BMERB1: variants seen among roughly 807,000 people sequenced by gnomAD.
BMERB1 encodes bMERB domain containing 1, also known as bMERB domain-containing protein 1.
In BMERB1, 12 loss-of-function variants were observed where a neutral mutation model predicts 23.6. That is an observed-to-expected ratio of 0.51 (90% CI 0.33 to 0.82). The LOEUF is 0.82. BMERB1 is among the 40% of genes least tolerant of loss of function. BMERB1 has a pLI of 0.03. For missense variants in BMERB1, 247 were observed against 255.4 expected (o/e 0.97, Z 0.22); for synonymous variants, 122 against 96.6 (o/e 1.26, Z -1.54).
At chr16:15,459,080 C>T (rs905447512) in intron 1 of BMERB1, among the ~76,000 whole-genome samples, 4 of 151,976 alleles carry the variant, frequency 2.6e-5, no homozygotes, top group Non-Finnish European at 4.4e-5. Context: ...TGCACTCCAG[C>T]CCAGGTAACA....
At chr16:15,482,501 G>A (rs2051330138) in intron 1 of BMERB1, among the ~76,000 whole-genome samples, 1 of 152,092 alleles carries the variant, frequency 6.6e-6, no homozygotes, top group African/African-American at 2.4e-5. Flanking sequence ...GCCTGGTGTG[G>A]AGGGTTGAGC....
intron 2 of BMERB1, among the ~76,000 whole-genome samples, chr16:15,567,084 G>A (rs1212400741): frequency 1.3e-5 from 2 of 151,940 alleles, no homozygotes; most frequent in Admixed American, 1.3e-4. Context: ...GTTGGGAGGG[G>A]TTGTGCAGAG....
intron 2 of BMERB1, among the ~76,000 whole-genome samples, chr16:15,565,620 G>A (rs573322894): frequency 8.5e-5 from 13 of 152,124 alleles, no homozygotes; most frequent in Non-Finnish European, 1.6e-4. Context: ...AGGCCAAGGC[G>A]GGAGGATCAC....
chr16:15,578,676 C>T (rs1239487790), intron 3 of BMERB1, among the ~76,000 whole-genome samples: 3 of 152,000 alleles, frequency 2.0e-5, no homozygotes, highest in South Asian at 2.1e-4. Flanking sequence ...TGCCTGGTGA[C>T]GGCCTGTTCC....
chr16:15,565,264 G>C (rs1389093553), intron 2 of BMERB1, among the ~76,000 whole-genome samples: 1 of 152,164 alleles, frequency 6.6e-6, no homozygotes, highest in Non-Finnish European at 1.5e-5. Context: ...CCCATGAGCT[G>C]TGTGTACTCA....
At chr16:15,506,946 C>T (rs2051598491) in intron 1 of BMERB1, among the ~76,000 whole-genome samples, 1 of 152,130 alleles carries the variant, frequency 6.6e-6, no homozygotes. Context: ...TGAGTTTGAC[C>T]AATCACTTAT....
chr16:15,487,223 G>T (rs185585963), intron 1 of BMERB1, among the ~76,000 whole-genome samples: 2 of 152,196 alleles, frequency 1.3e-5, no homozygotes, highest in East Asian at 1.9e-4. Context: ...TTTAGTAAGG[G>T]TTTCTTCTAA....
At chr16:15,535,298 CTATG>C in intron 2 of BMERB1, among the ~76,000 whole-genome samples, 1 of 152,054 alleles carries the variant, frequency 6.6e-6, no homozygotes, top group Non-Finnish European at 1.5e-5. Context: ...CTGGAGTGAG[CTATG>C]CTTGTGCCAC....
chr16:15,547,625 A>G (rs2029960474), intron 2 of BMERB1, among the ~76,000 whole-genome samples: 1 of 152,086 alleles, frequency 6.6e-6, no homozygotes, highest in South Asian at 2.1e-4. Context: ...GATTACAGGC[A>G]TGAGTCACTG....
chr16:15,504,708 C>T (rs1175897594), intron 1 of BMERB1, among the ~76,000 whole-genome samples: 3 of 151,964 alleles, frequency 2.0e-5, no homozygotes, highest in African/African-American at 4.8e-5. Flanking sequence ...TTCCCTCAGC[C>T]TTCCAAAGCT....
Position 15,495,211 on chromosome 16 carries a change from A to G in BMERB1, c.107-20094A>G, listed in dbSNP as rs181649525. Among the ~76,000 whole-genome samples, 645 of 144,064 alleles carry G rather than the reference A, an allele frequency of 4.5e-3. 4 individuals carry two copies. Among genetic ancestry groups the G allele is most frequent in the African/African-American group, 0.013 (521 of 38,814 alleles). The allele number at this position is 144,064 out of a possible 152,430, so 94.5% of individuals were successfully genotyped here. A position where few individuals can be genotyped will look rare whatever the true frequency, so the allele number is the denominator to read the frequency against. ...ATTTACTTTTATTATTATTATTATT[A>G]TTGTTGTTGTTTGAGACGGAGTTTC... On this transcript the variant is annotated intron_variant, in intron 1 of 5. Coordinates refer to ENST00000300006, the MANE Select transcript of BMERB1 (RefSeq NM_033201.3).
intron 2 of BMERB1, among the ~76,000 whole-genome samples, chr16:15,560,062 A>G (rs2030374857): frequency 6.6e-6 from 1 of 152,170 alleles, no homozygotes. Context: ...GTCCTCCTTT[A>G]GCGGAAGGTG....
intron 2 of BMERB1, among the ~76,000 whole-genome samples, chr16:15,555,615 GT>G (rs2030231658): frequency 3.3e-5 from 5 of 152,158 alleles, no homozygotes. Flanking sequence ...TAAATCCACA[GT>G]CCATTAAAAT....
chr16:15,563,621 G>T (rs1020831872), intron 2 of BMERB1, among the ~76,000 whole-genome samples: 6 of 152,230 alleles, frequency 3.9e-5, no homozygotes, highest in South Asian at 4.1e-4. Flanking sequence ...AAGCATGGCT[G>T]GGGAGGCCTC....
rs541225346 is a variant in BMERB1, at chr16:15,497,507, A to G, written c.107-17798A>G. Among the ~76,000 whole-genome samples, 5 of 152,356 alleles carry G rather than the reference A, an allele frequency of 3.3e-5. No individual in the cohort carries two copies. In the East Asian group the frequency reaches 9.6e-4, roughly 29 times the overall value. ...CAATTTCTATGTTTATCAAGAAAGA[A>G]AAAAACTGTCTATGGGACTACTTGT... On this transcript the variant is annotated intron_variant, in intron 1 of 5. Coordinates refer to ENST00000300006, the MANE Select transcript of BMERB1 (RefSeq NM_033201.3).
intron 1 of BMERB1, among the ~76,000 whole-genome samples, chr16:15,478,199 C>G (rs956818382): frequency 6.6e-6 from 1 of 151,430 alleles, no homozygotes; most frequent in Non-Finnish European, 1.5e-5. Context: ...ACTCTGTTGC[C>G]CAGGCTGGAG....
At chr16:15,573,269 G>C (rs1157284276) in intron 3 of BMERB1, among the ~76,000 whole-genome samples, 1 of 152,204 alleles carries the variant, frequency 6.6e-6, no homozygotes, top group Non-Finnish European at 1.5e-5. Flanking sequence ...GGTTCACCTT[G>C]CCCTCTGCCT....
At chr16:15,519,591 A>G (rs1489447395) in intron 2 of BMERB1, among the ~76,000 whole-genome samples, 2 of 151,984 alleles carry the variant, frequency 1.3e-5, no homozygotes, top group African/African-American at 2.4e-5. Flanking sequence ...AGGTTTCACC[A>G]TGTTGGCCAG....
intron 1 of BMERB1, among the ~76,000 whole-genome samples, chr16:15,479,824 T>C (rs2051304111): frequency 6.6e-6 from 1 of 151,706 alleles, no homozygotes; most frequent in Admixed American, 6.6e-5. Flanking sequence ...CTGACACTTG[T>C]AATCCCAGCA....
Sources: gnomAD v4.1 joint callset for allele counts (sites outside exome capture counted in the v4.1 genomes callset) on GRCh38, gnomAD v4.1.1 for gene constraint, MANE v1.5 for transcripts, NCBI Gene and HGNC (gene_info 2026-07-23, HGNC 2026-07-21) for gene names.